The following ARB2A variants were observed in gnomAD, a reference collection of about 807,000 sequenced individuals.
ARB2A encodes the protein ARB2 cotranscriptional regulator A.
the ARB2A span, among the ~76,000 whole-genome samples, chr5:94,101,507 C>T: frequency 1.3e-5 from 2 of 152,114 alleles, no homozygotes; most frequent in Admixed American, 1.3e-4. Context: ...CACTGCAGTA[C>T]TGTTCACAAC....
At chr5:93,860,292 C>A in the ARB2A span, among the ~76,000 whole-genome samples, 1 of 151,230 alleles carries the variant, frequency 6.6e-6, no homozygotes, top group South Asian at 2.1e-4. Context: ...GACTTCATCT[C>A]AAAAAAAATA....
At chr5:94,063,162 T>G in the ARB2A span, among the ~76,000 whole-genome samples, 1 of 148,044 alleles carries the variant, frequency 6.8e-6, no homozygotes, top group Non-Finnish European at 1.5e-5. Flanking sequence ...CCACAGGTGG[T>G]GGGAAGAGGG....
chr5:93,865,598 A>C, the ARB2A span: 1 of 985,436 alleles, frequency 1.0e-6, no homozygotes, highest in Non-Finnish European at 1.2e-6. Context: ...GGAAACAATT[A>C]GGACACTTGG....
the ARB2A span, chr5:93,738,047 A>C: frequency 0.014 from 4,789 of 349,072 alleles, 211 homozygotes; most frequent in African/African-American, 0.097. Flanking sequence ...ACAGAATGGG[A>C]GAAAATACTT....
the ARB2A span, among the ~76,000 whole-genome samples, chr5:93,745,679 AT>A: frequency 6.6e-5 from 10 of 152,008 alleles, no homozygotes; most frequent in East Asian, 5.8e-4. Flanking sequence ...CCAAAAAAAA[AT>A]TTTTTTTCTT....
the ARB2A span, among the ~76,000 whole-genome samples, chr5:93,630,435 T>C: frequency 6.6e-6 from 1 of 152,336 alleles, no homozygotes; most frequent in Non-Finnish European, 1.5e-5. Context: ...TGAGATTGTA[T>C]TGAGACTGTA....
At chr5:93,850,533 G>T in the ARB2A span, among the ~76,000 whole-genome samples, 1 of 152,164 alleles carries the variant, frequency 6.6e-6, no homozygotes, top group Admixed American at 6.5e-5. Context: ...AGAGAAGCTT[G>T]CTCCTGCTGA....
the ARB2A span, among the ~76,000 whole-genome samples, chr5:93,818,870 C>T: frequency 6.6e-6 from 1 of 152,098 alleles, no homozygotes; most frequent in Non-Finnish European, 1.5e-5. Context: ...GGAGAATTAA[C>T]AAATTTAGTT....
the ARB2A span, chr5:93,824,076 C>T: frequency 3.1e-6 from 4 of 1,302,752 alleles, no homozygotes; most frequent in Admixed American, 2.8e-5. Flanking sequence ...AGTATTGATA[C>T]CAACAGAAAG....
the ARB2A span, among the ~76,000 whole-genome samples, chr5:93,830,299 A>ATATGTGTGTGTG: frequency 1.5e-4 from 6 of 39,690 alleles, no homozygotes; most frequent in African/African-American, 4.5e-4. Context: ...ATGTATATAT[A>ATATGTGTGTGTG]TGTGTGTGTG....
At chr5:93,960,896 T>A in the ARB2A span, among the ~76,000 whole-genome samples, 1 of 152,134 alleles carries the variant, frequency 6.6e-6, no homozygotes, top group Non-Finnish European at 1.5e-5. Context: ...AAACAAAGTA[T>A]AATGATGACA....
the ARB2A span, among the ~76,000 whole-genome samples, chr5:93,923,532 A>G: frequency 6.6e-6 from 1 of 152,206 alleles, no homozygotes; most frequent in Admixed American, 6.5e-5. Flanking sequence ...TAAATAACAC[A>G]GTTATATGGC....
the ARB2A span, among the ~76,000 whole-genome samples, chr5:93,904,014 T>C: frequency 6.6e-6 from 1 of 151,826 alleles, no homozygotes; most frequent in Admixed American, 6.6e-5. Flanking sequence ...TATCAGAAGT[T>C]TCGGGAGGTA....
chr5:93,681,121 A>G, the ARB2A span, among the ~76,000 whole-genome samples: 2 of 151,570 alleles, frequency 1.3e-5, no homozygotes, highest in Non-Finnish European at 2.9e-5. Flanking sequence ...TTTTTTTTCC[A>G]GTCAAGAAAA....
chr5:93,835,418 G>A, the ARB2A span, among the ~76,000 whole-genome samples: 1 of 152,158 alleles, frequency 6.6e-6, no homozygotes, highest in Non-Finnish European at 1.5e-5. Context: ...TTTTTCTTCA[G>A]CTAACCTGTT....
At chr5:94,030,928 C>T in the ARB2A span, among the ~76,000 whole-genome samples, 5 of 152,328 alleles carry the variant, frequency 3.3e-5, no homozygotes, top group East Asian at 1.9e-4. Context: ...TGATGCAGTA[C>T]AAGGCCCTCA....
the ARB2A span, among the ~76,000 whole-genome samples, chr5:93,673,662 C>T: frequency 1.9e-4 from 29 of 152,150 alleles, no homozygotes; most frequent in Admixed American, 1.2e-3. Context: ...GGAAAGCCTC[C>T]GCAAAAAGCA....
the ARB2A span, among the ~76,000 whole-genome samples, chr5:93,954,769 T>C: frequency 6.6e-6 from 1 of 152,102 alleles, no homozygotes; most frequent in Non-Finnish European, 1.5e-5. Context: ...CCTTTCAAGT[T>C]TATTTAGCAC....
the ARB2A span, among the ~76,000 whole-genome samples, chr5:93,722,711 C>A: frequency 1.3e-5 from 2 of 152,066 alleles, no homozygotes; most frequent in East Asian, 3.9e-4. Context: ...AAGGGGTTAA[C>A]TACACCTCAT....
Sources: gnomAD v4.1 joint callset for allele counts (sites outside exome capture counted in the v4.1 genomes callset) on GRCh38, gnomAD v4.1.1 for gene constraint, MANE v1.5 for transcripts, NCBI Gene and HGNC (gene_info 2026-07-23, HGNC 2026-07-21) for gene names.